FAM184B: variants seen among roughly 807,000 people sequenced by gnomAD.
The protein encoded by FAM184B is family with sequence similarity 184 member B, also known as protein FAM184B.
A neutral mutation model predicts 135.9 loss-of-function variants in FAM184B; 111 were observed. That is an observed-to-expected ratio of 0.82 (90% CI 0.70 to 0.96). The LOEUF (loss-of-function observed/expected upper bound fraction) is 0.96. Ranked by LOEUF, FAM184B falls within the 40% of genes least tolerant of loss-of-function variation. The probability of loss-of-function intolerance (pLI) is 0.00; values close to 1 mark genes in which losing one functional copy is unlikely to be tolerated. For synonymous variants in FAM184B, 552 were observed against 524.8 expected (o/e 1.05, Z -0.71); for missense variants, 1,375 against 1,323.9 (o/e 1.04, Z -0.60).
intron 1 of FAM184B, among the ~76,000 whole-genome samples, chr4:17,745,272 G>T (rs943677090): frequency 1.3e-5 from 2 of 152,184 alleles, no homozygotes; most frequent in African/African-American, 4.8e-5. Flanking sequence ...TGGCCATGGA[G>T]GTTGGCCGCT....
At chr4:17,721,827 T>G (rs961513360) in intron 1 of FAM184B, among the ~76,000 whole-genome samples, 7 of 152,202 alleles carry the variant, frequency 4.6e-5, no homozygotes, top group Non-Finnish European at 4.4e-5. Context: ...TCCCTCGCAA[T>G]GGGCCTAAGA....
chr4:17,659,198 C>G (rs1715854394), intron 9 of FAM184B, among the ~76,000 whole-genome samples: 1 of 151,386 alleles, frequency 6.6e-6, no homozygotes, highest in African/African-American at 2.4e-5. Flanking sequence ...CTCGAACTCC[C>G]AAGCTCAAGC....
chr4:17,652,824 G>A lies in FAM184B; in HGVS notation c.2191+6C>T, dbSNP rs1473886273. On this transcript the variant is annotated splice_donor_region_variant and intron_variant, in intron 11 of 17. Transcript: ENST00000265018. ...GGCCCTCCTCAGTACACTATTGGGT[G>A]TATACCTAGCAGCAGGGCCTGCTGT... is the stretch of plus-strand genomic sequence containing the variant. The A allele has an allele frequency of 5.8e-6, 9 of 1,550,282 alleles. No individual in the cohort carries two copies. The highest frequency in any genetic ancestry group is 1.4e-5 in the African/African-American group (1 of 73,020).
At chr4:17,682,386 G>C (rs1014100844) in intron 7 of FAM184B, among the ~76,000 whole-genome samples, 1 of 152,178 alleles carries the variant, frequency 6.6e-6, no homozygotes, top group Non-Finnish European at 1.5e-5. Context: ...TCACACCCAC[G>C]TTTGGCAGCC....
intron 7 of FAM184B, among the ~76,000 whole-genome samples, chr4:17,685,241 A>G (rs906228899): frequency 1.3e-5 from 2 of 150,664 alleles, no homozygotes; most frequent in Non-Finnish European, 1.5e-5. Context: ...ATTGAAAGAC[A>G]ACATTCTAGA....
At chr4:17,709,725 T>G in intron 1 of FAM184B, 81 bp from the exon 2 acceptor site, 2 of 1,285,660 alleles carry the variant, frequency 1.6e-6, no homozygotes, top group Non-Finnish European at 1.0e-6. Flanking sequence ...AATATTCTCC[T>G]GCATGGCGGT....
At chr4:17,748,117 A>G (rs1228340052) in intron 1 of FAM184B, among the ~76,000 whole-genome samples, 1 of 150,376 alleles carries the variant, frequency 6.6e-6, no homozygotes, top group Non-Finnish European at 1.5e-5. Flanking sequence ...AAAAAAAAAA[A>G]AAAAAAGAAA....
chr4:17,781,336 T>C lies in FAM184B; in HGVS notation c.-37A>G. On this transcript the variant is annotated 5_prime_UTR_variant, in exon 1 of 18. Coordinates refer to ENST00000265018, the MANE Select transcript of FAM184B (RefSeq NM_015688.2). The surrounding 1 kb of genome is among the most constrained non-coding windows in gnomAD (Gnocchi z 6.5). ...GCCCAGCACTCAGACTCTCTCGTTT[T>C]CTCCCTGCCCACCGTGTGCACGTGC... is the stretch of plus-strand genomic sequence containing the variant. 1 of 1,488,284 alleles carries C rather than the reference T, an allele frequency of 6.7e-7. No individual in the cohort carries two copies. Among genetic ancestry groups the C allele is most frequent in the Non-Finnish European group, 9.0e-7 (1 of 1,111,512 alleles). 92.2% of individuals were successfully genotyped at this position (1,488,284 alleles called of 1,614,324 possible).
At chr4:17,653,119 A>G (rs893320796) in intron 10 of FAM184B, 136 bp from the exon 11 acceptor site, 1 of 849,316 alleles carries the variant, frequency 1.2e-6, no homozygotes, top group Non-Finnish European at 1.9e-6. Flanking sequence ...CAGGCTACAG[A>G]GAATGCTGTA....
chr4:17,632,702 G>A, intron 17 of FAM184B, 77 bp from the exon 18 acceptor site: 1 of 970,428 alleles, frequency 1.0e-6, no homozygotes, highest in Non-Finnish European at 1.6e-6. Context: ...CATCTTTTCA[G>A]GGAAAGATAA....
Position 17,737,767 on chromosome 4 carries a change from C to G in FAM184B, c.142-28123G>C, listed in dbSNP as rs542570699. Among the ~76,000 whole-genome samples, 3 of 152,286 alleles carry G rather than the reference C, an allele frequency of 2.0e-5. No individual in the cohort carries two copies. The South Asian group carries it at 6.2e-4, about 32-fold the overall frequency. ...CTCCCAGGAAACCCCACTCTATCTT[C>G]TTGAGCATTATCTCAAATCTGTTAC... On this transcript the variant is annotated intron_variant, in intron 1 of 17. Transcript: ENST00000265018.
chr4:17,652,056 T>A (rs1308271961), intron 11 of FAM184B, among the ~76,000 whole-genome samples: 1 of 151,956 alleles, frequency 6.6e-6, no homozygotes, highest in African/African-American at 2.4e-5. Context: ...GCAATAATAA[T>A]GATGATGATG....
At chr4:17,686,829 C>A (rs1049334973) in intron 7 of FAM184B, among the ~76,000 whole-genome samples, 3 of 152,188 alleles carry the variant, frequency 2.0e-5, no homozygotes, top group Non-Finnish European at 4.4e-5. Flanking sequence ...GAGGTCCCAG[C>A]TACTCGGGAG....
At chr4:17,774,112 C>A (rs1403729450) in intron 1 of FAM184B, among the ~76,000 whole-genome samples, 2 of 152,132 alleles carry the variant, frequency 1.3e-5, no homozygotes, top group East Asian at 1.9e-4. Flanking sequence ...AGTGGCGGCT[C>A]ACGCCTGCAA....
chr4:17,647,646 G>A lies in FAM184B; in HGVS notation c.2337C>T (p.Ile779=). Residue 779 remains isoleucine, a synonymous_variant, in exon 12 of 18, where the codon ATC becomes ATT. Transcript: ENST00000265018. ...QCPGDSKDHI[I]ATEERGGPGQ... The stretch of plus-strand genomic sequence containing the variant: ...GGGCGGGGGCACTGACCTCTGTGGC[G>A]ATTATGTGATCCTTGCTGTCTCCTG... 7.7e-6 allele frequency: 12 copies of A among 1,549,932 alleles called. No homozygotes were observed. Among genetic ancestry groups the A allele is most frequent in the Admixed American group, 5.9e-5 (3 of 50,990 alleles).
At chr4:17,646,708 AC>A (rs1248683808) in intron 12 of FAM184B, among the ~76,000 whole-genome samples, 1 of 152,184 alleles carries the variant, frequency 6.6e-6, no homozygotes, top group Non-Finnish European at 1.5e-5. Flanking sequence ...GTGCACATGT[AC>A]CCTAGAACTT....
rs755120254 is a variant in FAM184B, at chr4:17,781,048, C to CA, written c.141+110dup. The CA allele has an allele frequency of 3.4e-4, 463 of 1,364,792 alleles. No homozygotes were observed. Among genetic ancestry groups the CA allele is most frequent in the Non-Finnish European group, 4.2e-4 (436 of 1,037,038 alleles). The allele number at this position is 1,364,792 out of a possible 1,614,324, so 84.5% of individuals were successfully genotyped here. On this transcript the variant is annotated intron_variant, in intron 1 of 17. Coordinates refer to ENST00000265018, the MANE Select transcript of FAM184B (RefSeq NM_015688.2). The surrounding 1 kb of genome is among the most constrained non-coding windows in gnomAD (Gnocchi z 6.5). ...TTCCCTTCCCGGTTGGCCTCCGAGACAAAGTTTCTGTCTGGATTTGGCCCG... is the reference window on the plus strand; with the variant it reads ...TTCCCTTCCCGGTTGGCCTCCGAGACAAAAGTTTCTGTCTGGATTTGGCCCG...
chr4:17,681,805 G>C (rs780739909), intron 7 of FAM184B, among the ~76,000 whole-genome samples: 1 of 152,100 alleles, frequency 6.6e-6, no homozygotes, highest in Non-Finnish European at 1.5e-5. Context: ...GTGAAGTCAT[G>C]TTCAGATTTC....
chr4:17,686,921 A>G (rs1008463211), intron 7 of FAM184B, among the ~76,000 whole-genome samples: 1 of 152,236 alleles, frequency 6.6e-6, no homozygotes, highest in Non-Finnish European at 1.5e-5. Context: ...AGCCTGGGCA[A>G]CAGAGAAAGA....
Sources: allele counts gnomAD v4.1 joint callset (sites outside exome capture counted in the v4.1 genomes callset), GRCh38; gene constraint gnomAD v4.1.1; non-coding constraint Gnocchi (gnomAD v3.1); transcripts MANE v1.5; gene names NCBI Gene and HGNC (gene_info 2026-07-23, HGNC 2026-07-21).